KCNJ6: variants seen among roughly 807,000 people sequenced by gnomAD.
The protein encoded by KCNJ6 is G protein-activated inward rectifier potassium channel 2.
Under a neutral mutation model 34.2 loss-of-function variants are expected in KCNJ6, and 9 were observed. That is an observed-to-expected ratio of 0.26 (90% CI 0.16 to 0.46). The LOEUF (loss-of-function observed/expected upper bound fraction) is 0.46. KCNJ6 is among the 20% of genes least tolerant of loss of function. The pLI, the probability that KCNJ6 is intolerant of heterozygous loss-of-function variation, is 1.00. For synonymous variants in KCNJ6, 196 were observed against 207.1 expected (o/e 0.95, Z 0.46); for missense variants, 236 against 531.3 (o/e 0.44, Z 5.46).
chr21:37,778,350 G>T (rs1192081619), intron 2 of KCNJ6, among the ~76,000 whole-genome samples: 4 of 152,086 alleles, frequency 2.6e-5, no homozygotes, highest in Non-Finnish European at 4.4e-5. Context: ...TGTAAAACTA[G>T]CTCTCCAAAC....
rs117823570 is a variant in KCNJ6 at position 37,640,984 on chromosome 21, C to T, written c.947-15500G>A. Among the ~76,000 whole-genome samples, 28 of 152,204 alleles carry T rather than the reference C, an allele frequency of 1.8e-4. No homozygotes were observed. In the East Asian group the frequency reaches 2.3e-3, roughly 13 times the overall value. On this transcript the variant is annotated intron_variant, in intron 3 of 3. Transcript: ENST00000609713. The stretch of plus-strand genomic sequence containing the variant: ...AAAACAACTCTTCCAGGGTTAAGTG[C>T]GTGCATGCATGTAATGGGGAGGAGG...
intron 1 of KCNJ6, among the ~76,000 whole-genome samples, chr21:37,886,644 C>T (rs1355687490): frequency 6.6e-6 from 1 of 152,156 alleles, no homozygotes; most frequent in Non-Finnish European, 1.5e-5. Context: ...TGGATTTGCC[C>T]GCTGAAGGAA....
At chr21:37,896,900 G>C (rs2055791330) in intron 1 of KCNJ6, among the ~76,000 whole-genome samples, 2 of 152,200 alleles carry the variant, frequency 1.3e-5, no homozygotes, top group African/African-American at 4.8e-5. Flanking sequence ...AAAGGCACCT[G>C]AGCTTCAAAA....
intron 2 of KCNJ6, among the ~76,000 whole-genome samples, chr21:37,716,520 G>T (rs182613059): frequency 4.6e-5 from 7 of 151,896 alleles, no homozygotes; most frequent in African/African-American, 1.4e-4. Flanking sequence ...GGCACAGGAG[G>T]CTCAGGCTTA....
At position 37,623,501 on chromosome 21, in the gene KCNJ6, A is replaced by G. The variant is rs1333628105; in HGVS notation, c.*1658T>C. On this transcript the variant is annotated 3_prime_UTR_variant, in exon 4 of 4. Coordinates refer to ENST00000609713, the MANE Select transcript of KCNJ6 (RefSeq NM_002240.5). The stretch of plus-strand genomic sequence containing the variant: ...TATAAATGCAAAGTGAATGTGAAAG[A>G]TCTGTAACAGTGCAAAATCTCCACC... 1 of 152,204 alleles carries G rather than the reference A, an allele frequency of 6.6e-6. No individual in the cohort carries two copies. Among genetic ancestry groups the G allele is most frequent in the African/African-American group, 2.4e-5 (1 of 41,456 alleles). 9.4% of individuals were successfully genotyped at this position (152,204 alleles called of 1,614,324 possible).
At chr21:37,710,515 A>C (rs1165368944) in intron 3 of KCNJ6, among the ~76,000 whole-genome samples, 3 of 152,302 alleles carry the variant, frequency 2.0e-5, no homozygotes, top group Admixed American at 6.5e-5. Context: ...AAAATAACCA[A>C]AAGGCTTAAC....
intron 2 of KCNJ6, among the ~76,000 whole-genome samples, chr21:37,798,935 A>G (rs935505965): frequency 8.5e-5 from 13 of 152,240 alleles, no homozygotes; most frequent in Non-Finnish European, 1.3e-4. Flanking sequence ...TTTAACTTTT[A>G]AATTCAAGGG....
chr21:37,830,269 A>G (rs2055419272), intron 2 of KCNJ6, among the ~76,000 whole-genome samples: 1 of 152,120 alleles, frequency 6.6e-6, no homozygotes, highest in Admixed American at 6.5e-5. Flanking sequence ...GGCAAGTGGA[A>G]GGTGGGAGGC....
chr21:37,764,206 A>T (rs1479711596), intron 2 of KCNJ6, among the ~76,000 whole-genome samples: 1 of 152,118 alleles, frequency 6.6e-6, no homozygotes, highest in Non-Finnish European at 1.5e-5. Context: ...CTAGTCATGG[A>T]AATGAATGGA....
At chr21:37,745,747 C>T (rs1329273260) in intron 2 of KCNJ6, among the ~76,000 whole-genome samples, 2 of 152,316 alleles carry the variant, frequency 1.3e-5, no homozygotes, top group Admixed American at 6.5e-5. Flanking sequence ...AGATCCTGTG[C>T]TAAGAGCTGG....
At chr21:37,805,170 T>C (rs1476773653) in intron 2 of KCNJ6, among the ~76,000 whole-genome samples, 1 of 152,130 alleles carries the variant, frequency 6.6e-6, no homozygotes, top group Non-Finnish European at 1.5e-5. Flanking sequence ...ATAGAAATGT[T>C]CTGGCATTAG....
At chr21:37,892,665 A>C (rs1259702391) in intron 1 of KCNJ6, among the ~76,000 whole-genome samples, 4 of 152,112 alleles carry the variant, frequency 2.6e-5, no homozygotes, top group Non-Finnish European at 4.4e-5. Flanking sequence ...ATGGGGAGGC[A>C]AGTTGGGAAA....
intron 1 of KCNJ6, among the ~76,000 whole-genome samples, chr21:37,910,727 T>C (rs1406178658): frequency 6.6e-6 from 1 of 152,198 alleles, no homozygotes; most frequent in Non-Finnish European, 1.5e-5. Flanking sequence ...ATGAGAAGCA[T>C]GAGACTCAAG....
chr21:37,737,462 C>A (rs977952644), intron 2 of KCNJ6, among the ~76,000 whole-genome samples: 1 of 151,888 alleles, frequency 6.6e-6, no homozygotes, highest in Non-Finnish European at 1.5e-5. Flanking sequence ...TCTCTGTTGG[C>A]GTTTGTTTGT....
chr21:37,724,182 G>A (rs887361730), intron 2 of KCNJ6, among the ~76,000 whole-genome samples: 1 of 152,174 alleles, frequency 6.6e-6, no homozygotes, highest in Non-Finnish European at 1.5e-5. Flanking sequence ...GAGTGTTTTA[G>A]AAAGGTCTCT....
chr21:37,730,629 A>G (rs1050249121), intron 2 of KCNJ6, among the ~76,000 whole-genome samples: 4 of 152,222 alleles, frequency 2.6e-5, no homozygotes, highest in African/African-American at 9.6e-5. Context: ...TGGGAAATCC[A>G]GAAATAATCT....
intron 3 of KCNJ6, among the ~76,000 whole-genome samples, chr21:37,650,805 G>A (rs537325921): frequency 1.9e-4 from 29 of 152,172 alleles, no homozygotes; most frequent in Non-Finnish European, 4.0e-4. Flanking sequence ...AAATATGTAT[G>A]CTTTGTCTGT....
intron 1 of KCNJ6, among the ~76,000 whole-genome samples, chr21:37,900,857 C>T (rs948897085): frequency 6.6e-6 from 1 of 152,152 alleles, no homozygotes; most frequent in Non-Finnish European, 1.5e-5. Context: ...ATCTGCAAAC[C>T]ACTCCTCATT....
At chr21:37,914,351 G>T (rs913704933) in intron 1 of KCNJ6, among the ~76,000 whole-genome samples, 25 of 152,076 alleles carry the variant, frequency 1.6e-4, no homozygotes, top group African/African-American at 5.8e-4. Flanking sequence ...CTTCACCCTC[G>T]GCGCCTGGGC....
Sources: gnomAD v4.1 joint callset for allele counts (sites outside exome capture counted in the v4.1 genomes callset) on GRCh38, gnomAD v4.1.1 for gene constraint, MANE v1.5 for transcripts, NCBI Gene and HGNC (gene_info 2026-07-23, HGNC 2026-07-21) for gene names.